STK32B: variants seen among roughly 807,000 people sequenced by gnomAD.
STK32B encodes the protein serine/threonine-protein kinase 32B.
Under a neutral mutation model 52.6 loss-of-function variants are expected in STK32B, and 43 were observed. The observed-to-expected ratio is 0.82, with a 90% confidence interval of 0.64 to 1.05. STK32B has a LOEUF of 1.05. Ranked by LOEUF, STK32B falls within the 50% of genes least tolerant of loss-of-function variation. The pLI, the probability that STK32B is intolerant of heterozygous loss-of-function variation, is 0.00. For missense variants in STK32B, 621 were observed against 534.6 expected, an observed-to-expected ratio of 1.16 and a Z score of -1.59; for synonymous variants, 238 against 204.3, an observed-to-expected ratio of 1.17 and a Z score of -1.41.
intron 1 of STK32B, among the ~76,000 whole-genome samples, chr4:5,095,640 G>A (rs1713346953): frequency 6.6e-6 from 1 of 152,152 alleles, no homozygotes; most frequent in South Asian, 2.1e-4. Context: ...GAATGTAACA[G>A]GGTTCATTTA....
chr4:5,319,096 G>A (rs566368170), intron 3 of STK32B, among the ~76,000 whole-genome samples: 4 of 152,086 alleles, frequency 2.6e-5, no homozygotes, highest in South Asian at 2.1e-4. Context: ...GAGCCACCAC[G>A]CCTGGCTAAA....
intron 3 of STK32B, among the ~76,000 whole-genome samples, chr4:5,194,183 C>T (rs1256950824): frequency 3.3e-5 from 5 of 152,090 alleles, no homozygotes; most frequent in Non-Finnish European, 5.9e-5. Context: ...TTTTTTCCAT[C>T]CTCAGAAAAA....
intron 3 of STK32B, among the ~76,000 whole-genome samples, chr4:5,330,594 C>T (rs1226333639): frequency 2.6e-5 from 4 of 152,176 alleles, no homozygotes; most frequent in Non-Finnish European, 4.4e-5. Context: ...CAAGGTAGCT[C>T]ACTCGCATGG....
intron 3 of STK32B, among the ~76,000 whole-genome samples, chr4:5,217,627 T>C (rs1052722894): frequency 6.6e-6 from 1 of 152,196 alleles, no homozygotes. Flanking sequence ...AGTCATACAA[T>C]GTGGCATCCA....
intron 3 of STK32B, among the ~76,000 whole-genome samples, chr4:5,309,045 A>G (rs1160084166): frequency 6.6e-6 from 1 of 152,202 alleles, no homozygotes; most frequent in Non-Finnish European, 1.5e-5. Context: ...AAATGAATTC[A>G]GTAAAGTTGC....
At chr4:5,094,903 A>G (rs1048423374) in intron 1 of STK32B, among the ~76,000 whole-genome samples, 1 of 152,206 alleles carries the variant, frequency 6.6e-6, no homozygotes, top group Non-Finnish European at 1.5e-5. Flanking sequence ...TAGGGCAAGT[A>G]TGGCAGTTCA....
Position 5,413,404 on chromosome 4 carries a change from T to TG in STK32B, c.473-3441_473-3440insG, listed in dbSNP as rs569589847. Among the ~76,000 whole-genome samples the TG allele has an allele frequency of 4.6e-5, 7 of 152,334 alleles. No individual in the cohort carries two copies. The East Asian group carries it at 1.3e-3, about 29-fold the overall frequency. ...AGGCTCTGGCACCATTTCTCTGCTA[T>TG]ACTTGAAGCTCTGCCTTCTCCATGG... On this transcript the variant is annotated intron_variant, in intron 5 of 11. Coordinates refer to ENST00000282908, the MANE Select transcript of STK32B (RefSeq NM_018401.3).
chr4:5,027,925 T>C, the STK32B span, among the ~76,000 whole-genome samples: 1 of 152,130 alleles, frequency 6.6e-6, no homozygotes, highest in Non-Finnish European at 1.5e-5. Flanking sequence ...AGGGGCTGCA[T>C]CCCTGCTTCC....
chr4:5,278,393 T>C (rs150641599), intron 3 of STK32B, among the ~76,000 whole-genome samples: 1 of 152,240 alleles, frequency 6.6e-6, no homozygotes, highest in East Asian at 1.9e-4. Context: ...TCAGCGCATA[T>C]GTGGGCGTAG....
chr4:5,249,425 T>G, intron 3 of STK32B, among the ~76,000 whole-genome samples: 1 of 53,510 alleles, frequency 1.9e-5, no homozygotes, highest in East Asian at 6.9e-4. Context: ...TGTCTGTTCT[T>G]CCTTCCTTCC....
intron 1 of STK32B, among the ~76,000 whole-genome samples, chr4:5,122,381 T>TTCACTCACTCATTCATTCAC (rs1560162543): frequency 4.0e-4 from 61 of 151,470 alleles, no homozygotes; most frequent in Middle Eastern, 3.4e-3. Flanking sequence ...CACTCATTCA[T>TTCACTCACTCATTCATTCAC]TCACTCACTC....
intron 3 of STK32B, among the ~76,000 whole-genome samples, chr4:5,207,906 T>C (rs879769351): frequency 1.3e-5 from 2 of 152,140 alleles, no homozygotes; most frequent in African/African-American, 2.4e-5. Flanking sequence ...TTCCTCTCTT[T>C]TTAACATCCA....
chr4:5,202,572 C>A (rs1272672659), intron 3 of STK32B, among the ~76,000 whole-genome samples: 1 of 152,262 alleles, frequency 6.6e-6, no homozygotes, highest in Non-Finnish European at 1.5e-5. Context: ...AGTAGAGGTT[C>A]TCCATGAGGG....
chr4:5,392,720 T>TGACAAC (rs1736663153), intron 4 of STK32B, among the ~76,000 whole-genome samples: 2 of 152,150 alleles, frequency 1.3e-5, no homozygotes, highest in Non-Finnish European at 2.9e-5. Flanking sequence ...AATACCTATC[T>TGACAAC]CTAAGAGTTG....
rs753972294 is a variant in STK32B, at chr4:5,460,213, C to T, written c.894C>T (p.Pro298=). The T allele has an allele frequency of 3.3e-5, 54 of 1,612,388 alleles. No homozygotes were observed. Among genetic ancestry groups the T allele is most frequent in the African/African-American group, 8.0e-5 (6 of 74,908 alleles). The change falls in exon 9 of 12, where the codon CCC becomes CCT. Residue 298 remains proline, a synonymous_variant. Transcript: ENST00000282908. The surrounding 1 kb of genome is among the most constrained non-coding windows in gnomAD (Gnocchi z 4.8). ...WDAVFKKALM[P]GFVPNKGRLN... ...CGGTGTTCAAGAAGGCACTGATGCC[C>T]GGCTTTGTGCCCAATGTGAGTGGAA...
chr4:5,181,843 C>T (rs1398801375), intron 3 of STK32B, among the ~76,000 whole-genome samples: 1 of 152,208 alleles, frequency 6.6e-6, no homozygotes, highest in Admixed American at 6.5e-5. Context: ...GCTGTGGCAA[C>T]TTCCTAAAAT....
At chr4:5,142,885 T>A (rs1716581824) in intron 2 of STK32B, among the ~76,000 whole-genome samples, 1 of 152,196 alleles carries the variant, frequency 6.6e-6, no homozygotes, top group Non-Finnish European at 1.5e-5. Context: ...TGGATGGGCC[T>A]CATCCAACCA....
chr4:5,404,776 G>A (rs1737544041), intron 5 of STK32B, among the ~76,000 whole-genome samples: 1 of 151,642 alleles, frequency 6.6e-6, no homozygotes, highest in Non-Finnish European at 1.5e-5. Flanking sequence ...ACATTCTATG[G>A]TAATGGGAAT....
chr4:5,325,959 A>G (rs1259182052), intron 3 of STK32B, among the ~76,000 whole-genome samples: 3 of 152,228 alleles, frequency 2.0e-5, no homozygotes, highest in African/African-American at 7.2e-5. Flanking sequence ...GTCTCTGGGA[A>G]TGTAGGGTCT....
Sources: allele counts gnomAD v4.1 joint callset (sites outside exome capture counted in the v4.1 genomes callset), GRCh38; gene constraint gnomAD v4.1.1; non-coding constraint Gnocchi (gnomAD v3.1); transcripts MANE v1.5; gene names NCBI Gene and HGNC (gene_info 2026-07-23, HGNC 2026-07-21).